Variants in CHRM3 observed in about 807,000 individuals in gnomAD.
CHRM3 encodes the protein cholinergic receptor muscarinic 3.
In CHRM3, 11 loss-of-function variants were observed where a neutral mutation model predicts 41.8. That is an observed-to-expected ratio of 0.26 (90% CI 0.17 to 0.44). CHRM3 has a LOEUF of 0.44. Ranked by LOEUF, CHRM3 falls within the 20% of genes least tolerant of loss-of-function variation. CHRM3 has a pLI of 1.00. For missense variants in CHRM3, 571 were observed against 745.4 expected, an observed-to-expected ratio of 0.77 and a Z score of 2.72; for synonymous variants, 297 against 301.4, an observed-to-expected ratio of 0.99 and a Z score of 0.15.
intron 3 of CHRM3, among the ~76,000 whole-genome samples, chr1:239,560,295 A>G: frequency 6.6e-6 from 1 of 152,112 alleles, no homozygotes; most frequent in East Asian, 1.9e-4. Flanking sequence ...TGCAACTCAT[A>G]CGCTGATGTT....
chr1:239,649,336 G>A (rs1002860130), intron 4 of CHRM3, among the ~76,000 whole-genome samples: 3 of 152,112 alleles, frequency 2.0e-5, no homozygotes, highest in Non-Finnish European at 2.9e-5. Context: ...TGCCTTGATC[G>A]TGGACTTCCC....
At chr1:239,802,789 G>A (rs1401058955) in intron 5 of CHRM3, among the ~76,000 whole-genome samples, 3 of 152,014 alleles carry the variant, frequency 2.0e-5, no homozygotes, top group Non-Finnish European at 2.9e-5. Context: ...GTAGAGATGG[G>A]GTTTCACCAT....
chr1:239,567,936 A>G (rs936968084), intron 3 of CHRM3, among the ~76,000 whole-genome samples: 6 of 152,136 alleles, frequency 3.9e-5, no homozygotes, highest in East Asian at 3.9e-4. Context: ...CTAGGCCCCA[A>G]TAAGGTCTGC....
intron 5 of CHRM3, among the ~76,000 whole-genome samples, chr1:239,712,626 G>A (rs188575650): frequency 6.6e-6 from 1 of 152,138 alleles, no homozygotes; most frequent in Non-Finnish European, 1.5e-5. Context: ...GCATTTCCTC[G>A]AATACTTGCA....
intron 5 of CHRM3, among the ~76,000 whole-genome samples, chr1:239,734,601 C>G (rs1664249322): frequency 1.3e-5 from 2 of 151,954 alleles, no homozygotes; most frequent in African/African-American, 4.8e-5. Context: ...AAATGTTATC[C>G]TTTTTGAAGA....
chr1:239,462,185 G>A (rs1037884632), intron 1 of CHRM3, among the ~76,000 whole-genome samples: 2 of 152,028 alleles, frequency 1.3e-5, no homozygotes, highest in African/African-American at 4.8e-5. Context: ...TCGGTGATTT[G>A]GAGATATTTA....
chr1:239,711,050 G>C (rs1314875012), intron 5 of CHRM3, among the ~76,000 whole-genome samples: 2 of 152,162 alleles, frequency 1.3e-5, no homozygotes, highest in African/African-American at 2.4e-5. Flanking sequence ...ACCGCCCTGA[G>C]TTTCCAGGTA....
chr1:239,435,799 G>A (rs2103210812), intron 1 of CHRM3, among the ~76,000 whole-genome samples: 1 of 151,758 alleles, frequency 6.6e-6, no homozygotes, highest in African/African-American at 2.4e-5. Flanking sequence ...TTTTCTTTTT[G>A]ACATTTCCAT....
chr1:239,792,075 T>C lies in CHRM3; in HGVS notation c.-146-35177T>C, dbSNP rs941297382. Reference sequence around the variant, plus strand: ...CCTCATTACCCTGCAGTGTGTCTCATTGCTGCTGTGGTCCAAGCTCTGGGT... The same window carrying C: ...CCTCATTACCCTGCAGTGTGTCTCACTGCTGCTGTGGTCCAAGCTCTGGGT... On this transcript the variant is annotated intron_variant, in intron 5 of 6. Coordinates refer to ENST00000676153, the MANE Select transcript of CHRM3 (RefSeq NM_001375978.1). Among the ~76,000 whole-genome samples, 5 of 152,346 alleles carry C rather than the reference T, an allele frequency of 3.3e-5. No individual in the cohort carries two copies. The East Asian group carries it at 9.6e-4, about 29-fold the overall frequency.
intron 2 of CHRM3, among the ~76,000 whole-genome samples, chr1:239,525,521 A>G (rs1046689336): frequency 6.6e-6 from 1 of 152,064 alleles, no homozygotes; most frequent in Non-Finnish European, 1.5e-5. Context: ...AGATTAGGCT[A>G]TTTACTTAGG....
chr1:239,582,048 C>A (rs1012864319), intron 3 of CHRM3, among the ~76,000 whole-genome samples: 3 of 152,096 alleles, frequency 2.0e-5, no homozygotes, highest in African/African-American at 7.2e-5. Flanking sequence ...CAAATACATG[C>A]AATTTAAAAT....
chr1:239,412,151 T>G (rs1460177631), intron 1 of CHRM3, among the ~76,000 whole-genome samples: 1 of 150,878 alleles, frequency 6.6e-6, no homozygotes, highest in Non-Finnish European at 1.5e-5. Context: ...ATTATCTTTT[T>G]GTATTATTTT....
intron 4 of CHRM3, among the ~76,000 whole-genome samples, chr1:239,651,835 A>G (rs1180773985): frequency 6.6e-6 from 1 of 152,166 alleles, no homozygotes; most frequent in Non-Finnish European, 1.5e-5. Flanking sequence ...GGCCAAGGGA[A>G]TGGGCTCCAG....
At chr1:239,648,327 C>T (rs778996708) in intron 4 of CHRM3, among the ~76,000 whole-genome samples, 3 of 152,162 alleles carry the variant, frequency 2.0e-5, no homozygotes, top group Non-Finnish European at 4.4e-5. Flanking sequence ...CCTGGAGAGC[C>T]ACTGACTTGA....
chr1:239,882,306 C>CAGGT (rs1280983559), intron 6 of CHRM3, among the ~76,000 whole-genome samples: 2 of 152,168 alleles, frequency 1.3e-5, no homozygotes, highest in African/African-American at 4.8e-5. Context: ...CTCTGGCGTG[C>CAGGT]AGGTGATTGT....
intron 3 of CHRM3, among the ~76,000 whole-genome samples, chr1:239,574,541 C>T (rs958325849): frequency 2.6e-5 from 4 of 152,108 alleles, no homozygotes; most frequent in Non-Finnish European, 5.9e-5. Flanking sequence ...CCCTACTTAA[C>T]AGAGCAGCCT....
At chr1:239,578,991 T>G (rs942022722) in intron 3 of CHRM3, among the ~76,000 whole-genome samples, 18 of 152,354 alleles carry the variant, frequency 1.2e-4, no homozygotes, top group African/African-American at 4.1e-4. Flanking sequence ...CTTTACAATG[T>G]AAGTATCTCA....
chr1:239,582,951 T>C (rs916569454), intron 3 of CHRM3, among the ~76,000 whole-genome samples: 2 of 152,180 alleles, frequency 1.3e-5, no homozygotes, highest in Admixed American at 1.3e-4. Context: ...CTACTCTGCC[T>C]CTTCCCTGTT....
intron 4 of CHRM3, among the ~76,000 whole-genome samples, chr1:239,650,037 G>T (rs1188059402): frequency 2.0e-5 from 3 of 152,184 alleles, no homozygotes; most frequent in Admixed American, 1.3e-4. Flanking sequence ...ACAGCCCTCG[G>T]TGTCCTGGTC....
Sources: allele counts gnomAD v4.1 joint callset (sites outside exome capture counted in the v4.1 genomes callset), GRCh38; gene constraint gnomAD v4.1.1; transcripts MANE v1.5; gene names NCBI Gene and HGNC (gene_info 2026-07-23, HGNC 2026-07-21).